The following FGF14 variants were observed in gnomAD, a reference collection of about 807,000 sequenced individuals.
FGF14 encodes the protein fibroblast growth factor homologous factor 4.
A neutral mutation model predicts 25.5 loss-of-function variants in FGF14; 5 were observed. The observed-to-expected ratio is 0.20, with a 90% CI of 0.10 to 0.41. The LOEUF is 0.41. Ranked by LOEUF, FGF14 falls within the 10% of genes least tolerant of loss-of-function variation. The probability of loss-of-function intolerance (pLI) is 1.00; values close to 1 mark genes in which losing one functional copy is unlikely to be tolerated. For missense variants in FGF14, 222 were observed against 320.1 expected (o/e 0.69, Z 2.34); for synonymous variants, 138 against 118.3 (o/e 1.17, Z -1.08).
intron 1 of FGF14, among the ~76,000 whole-genome samples, chr13:102,072,692 A>T (rs1178930514): frequency 1.3e-5 from 2 of 152,244 alleles, no homozygotes; most frequent in African/African-American, 4.8e-5. Context: ...ACTATTTTAC[A>T]TAAGAAAGGA....
At chr13:102,241,992 G>A (rs909826101) in intron 1 of FGF14, among the ~76,000 whole-genome samples, 5 of 152,036 alleles carry the variant, frequency 3.3e-5, no homozygotes, top group African/African-American at 9.7e-5. Context: ...CAAAATGAGG[G>A]TAATGAAAGG....
intron 1 of FGF14, among the ~76,000 whole-genome samples, chr13:102,017,692 T>A (rs1393241506): frequency 6.6e-6 from 1 of 152,170 alleles, no homozygotes; most frequent in Non-Finnish European, 1.5e-5. Context: ...AATTATTTCC[T>A]TAATTATGTC....
At chr13:102,209,462 AAAG>A (rs1165434358) in intron 1 of FGF14, among the ~76,000 whole-genome samples, 4 of 152,236 alleles carry the variant, frequency 2.6e-5, no homozygotes, top group African/African-American at 9.6e-5. Context: ...TTTAAAAAAG[AAAG>A]AAGATTTGTT....
intron 1 of FGF14, among the ~76,000 whole-genome samples, chr13:102,032,663 A>G (rs59224526): frequency 0.036 from 5,420 of 152,160 alleles, 326 homozygotes; most frequent in African/African-American, 0.12. Context: ...TATCAGTGTG[A>G]CACAGTTTGG....
intron 1 of FGF14, among the ~76,000 whole-genome samples, chr13:102,118,757 TA>T (rs138992084): frequency 0.014 from 2,171 of 152,226 alleles, 49 homozygotes; most frequent in African/African-American, 0.05. Context: ...TTATGTCACT[TA>T]AAAAATAAAT....
At chr13:101,791,080 A>G (rs1267616669) in intron 3 of FGF14, among the ~76,000 whole-genome samples, 2 of 152,162 alleles carry the variant, frequency 1.3e-5, no homozygotes, top group Non-Finnish European at 2.9e-5. Flanking sequence ...AGTGGCTGTA[A>G]AGGAACACTT....
chr13:102,246,602 ACT>A lies in FGF14; in HGVS notation c.208+154867_208+154868del, dbSNP rs2051883410. Among the ~76,000 whole-genome samples the A allele has an allele frequency of 6.6e-5, 10 of 152,026 alleles. No individual in the cohort carries two copies. The South Asian group carries it at 2.1e-3, about 32-fold the overall frequency. On this transcript the variant is annotated intron_variant, in intron 1 of 4. Transcript: ENST00000376131. ...AGGTTTGTTAGGCAGTTAATGATTG[ACT>A]CTATTATGTTTCAATGAATCAACAT...
At chr13:101,927,977 C>CGTTTCCCT (rs2034483976) in intron 1 of FGF14, among the ~76,000 whole-genome samples, 1 of 152,150 alleles carries the variant, frequency 6.6e-6, no homozygotes, top group Non-Finnish European at 1.5e-5. Context: ...CCCTCCGTCC[C>CGTTTCCCT]GTTTCCCTCT....
intron 1 of FGF14, among the ~76,000 whole-genome samples, chr13:102,301,029 G>A (rs894370897): frequency 1.3e-5 from 2 of 151,482 alleles, no homozygotes; most frequent in East Asian, 3.9e-4. Flanking sequence ...AAAGAAAAAG[G>A]CTATTAGGCT....
chr13:102,106,006 T>A (rs779131714), intron 1 of FGF14, among the ~76,000 whole-genome samples: 1 of 152,194 alleles, frequency 6.6e-6, no homozygotes. Context: ...AATATATCAT[T>A]GATTACAGGG....
rs2034707771 is a variant in FGF14 at position 101,930,894 on chromosome 13, A to G, written c.209-55598T>C. On this transcript the variant is annotated intron_variant, in intron 1 of 4. Transcript: ENST00000376131. ...TCCTACAGTGTTCTAACAGCCCTGTAAAGAGAATGCCTGTTTTCCACTTAG... is the reference window on the plus strand; with the variant it reads ...TCCTACAGTGTTCTAACAGCCCTGTGAAGAGAATGCCTGTTTTCCACTTAG... Among the ~76,000 whole-genome samples the G allele has an allele frequency of 2.0e-5, 3 of 152,184 alleles. No homozygotes were observed. In the South Asian group the frequency reaches 6.2e-4, roughly 31 times the overall value.
chr13:102,129,778 T>A (rs185668625), intron 1 of FGF14, among the ~76,000 whole-genome samples: 99 of 152,226 alleles, frequency 6.5e-4, no homozygotes, highest in African/African-American at 2.3e-3. Context: ...ATGGCACATG[T>A]ATACATATGT....
At chr13:101,812,626 TATATATATATATATATATATATATA>T (rs1472818466) in intron 3 of FGF14, among the ~76,000 whole-genome samples, 111 of 9,846 alleles carry the variant, frequency 0.011, 3 homozygotes, top group East Asian at 0.045. Flanking sequence ...TATATATATA[TATATATATATATATATATATATATA>T]TATTTTTTTT....
chr13:102,119,532 A>G (rs2045622656), intron 1 of FGF14, among the ~76,000 whole-genome samples: 1 of 152,218 alleles, frequency 6.6e-6, no homozygotes, highest in African/African-American at 2.4e-5. Flanking sequence ...GAATAATGGT[A>G]TGTGACTATG....
chr13:101,811,455 T>G lies in FGF14; in HGVS notation c.408+57270A>C, dbSNP rs191002739. Among the ~76,000 whole-genome samples, 17 of 152,316 alleles carry G rather than the reference T, an allele frequency of 1.1e-4. 1 individual carries two copies. Among genetic ancestry groups the G allele is most frequent in the Admixed American group, 9.2e-4 (14 of 15,294 alleles). On this transcript the variant is annotated intron_variant, in intron 3 of 4. Coordinates refer to ENST00000376143, the MANE Select transcript of FGF14 (RefSeq NM_004115.4). ...TTGTGGCTTGATAACTCACTTCCTT[T>G]TAGTGCTGAATAATACCCCATTGTT...
At position 101,840,145 on chromosome 13, in the gene FGF14, G is replaced by T. The variant is rs535802483; in HGVS notation, c.408+28580C>A. Reference sequence around the variant, plus strand: ...TTCCAATGTAAAGTGGACACCTGATGATATTTCAAATATGCTGTTATAAAG... The same window carrying T: ...TTCCAATGTAAAGTGGACACCTGATTATATTTCAAATATGCTGTTATAAAG... On this transcript the variant is annotated intron_variant, in intron 3 of 4. Transcript: ENST00000376143. Among the ~76,000 whole-genome samples the T allele has an allele frequency of 2.6e-5, 4 of 152,018 alleles. No homozygotes were observed. In the East Asian group the frequency reaches 7.8e-4, roughly 29 times the overall value.
In FGF14 at chr13:102,218,729, T is replaced by G. The variant is rs565065309; in HGVS notation, c.208+182742A>C. On this transcript the variant is annotated intron_variant, in intron 1 of 4. Transcript: ENST00000376131. ...CACTTAATGTCACCACCTTGGGGTG[T>G]TTTTATCCTCATTTTTATGCTTACT... Among the ~76,000 whole-genome samples, 31 of 152,208 alleles carry G rather than the reference T, an allele frequency of 2.0e-4. No individual in the cohort carries two copies. The East Asian group carries it at 4.6e-3, about 23-fold the overall frequency.
chr13:102,120,495 A>C (rs1461413501), intron 1 of FGF14, among the ~76,000 whole-genome samples: 2 of 152,188 alleles, frequency 1.3e-5, no homozygotes, highest in Non-Finnish European at 2.9e-5. Context: ...GGCCTAGGCC[A>C]CTACCAGTGT....
At chr13:101,882,362 G>GA (rs1023492699) in intron 1 of FGF14, among the ~76,000 whole-genome samples, 27 of 148,476 alleles carry the variant, frequency 1.8e-4, no homozygotes, top group South Asian at 2.1e-4. Context: ...GACATCTGTC[G>GA]AAAAAAAAAT....
Sources: allele counts gnomAD v4.1 joint callset (sites outside exome capture counted in the v4.1 genomes callset), GRCh38; gene constraint gnomAD v4.1.1; transcripts MANE v1.5; gene names NCBI Gene and HGNC (gene_info 2026-07-23, HGNC 2026-07-21).